GPC5: variants seen among roughly 807,000 people sequenced by gnomAD.
The protein encoded by GPC5 is glypican-5.
Under a neutral mutation model 53.9 loss-of-function variants are expected in GPC5, and 47 were observed. That is an observed-to-expected ratio of 0.87 (90% CI 0.69 to 1.11). The LOEUF (loss-of-function observed/expected upper bound fraction) is 1.11, where lower values mean the gene tolerates loss of function less well. Among genes scored for constraint, GPC5 ranks in the 50% most tolerant of loss-of-function variants. The pLI, the probability that GPC5 is intolerant of heterozygous loss-of-function variation, is 0.00. For missense variants in GPC5, 748 were observed against 713.1 expected, an observed-to-expected ratio of 1.05 and a Z score of -0.56; for synonymous variants, 286 against 263.3, an observed-to-expected ratio of 1.09 and a Z score of -0.84.
At chr13:91,472,881 A>G (rs979517512) in intron 2 of GPC5, among the ~76,000 whole-genome samples, 2 of 152,148 alleles carry the variant, frequency 1.3e-5, no homozygotes, top group Non-Finnish European at 1.5e-5. Flanking sequence ...TGGACCTGAG[A>G]TTCTGCTAGG....
intron 7 of GPC5, among the ~76,000 whole-genome samples, chr13:92,695,745 A>G (rs1221448844): frequency 6.6e-6 from 1 of 151,620 alleles, no homozygotes; most frequent in African/African-American, 2.4e-5. Flanking sequence ...GTACATGTGC[A>G]GAAAGTGCAG....
intron 3 of GPC5, among the ~76,000 whole-genome samples, chr13:91,719,070 A>G (rs1045405766): frequency 6.6e-6 from 1 of 152,076 alleles, no homozygotes; most frequent in African/African-American, 2.4e-5. Context: ...ACATTTATTT[A>G]TTTATTTACT....
At chr13:91,484,162 T>C (rs544503637) in intron 2 of GPC5, among the ~76,000 whole-genome samples, 10 of 152,348 alleles carry the variant, frequency 6.6e-5, no homozygotes, top group Admixed American at 2.0e-4. Context: ...CATTTGCTAC[T>C]TAAGTTAATT....
rs372149568 is a variant in GPC5, at chr13:92,278,636, A to G, written c.1561+133647A>G. 6.6e-5 allele frequency among the ~76,000 whole-genome samples: 10 copies of G among 152,010 alleles called. No individual in the cohort carries two copies. In the East Asian group the frequency reaches 1.2e-3, roughly 18 times the overall value. ...CCTGATCATGAAGATTTACCCTGTG[A>G]TTTCTTTCAATAGTTTTATACTTTT... On this transcript the variant is annotated intron_variant, in intron 7 of 7. Transcript: ENST00000377067.
rs370373203 is a variant in GPC5, at chr13:91,783,206, A to T, written c.1280+26786A>T. 2.0e-4 allele frequency among the ~76,000 whole-genome samples: 30 copies of T among 152,114 alleles called. No individual in the cohort carries two copies. The East Asian group carries it at 3.9e-3, about 20-fold the overall frequency. ...GAGGCAGAGGTTGCAGTGAGCTGAGATCGCTCCACTGCACTCCAGCCTCGG... is the reference window on the plus strand; with the variant it reads ...GAGGCAGAGGTTGCAGTGAGCTGAGTTCGCTCCACTGCACTCCAGCCTCGG... On this transcript the variant is annotated intron_variant, in intron 5 of 7. Coordinates refer to ENST00000377067, the MANE Select transcript of GPC5 (RefSeq NM_004466.6).
intron 7 of GPC5, among the ~76,000 whole-genome samples, chr13:92,282,677 C>G (rs1225228408): frequency 1.3e-5 from 2 of 152,144 alleles, no homozygotes; most frequent in East Asian, 3.9e-4. Context: ...AAATGCTTTA[C>G]AGACAAGCAA....
At chr13:91,981,689 C>A (rs2040361221) in intron 6 of GPC5, among the ~76,000 whole-genome samples, 1 of 152,160 alleles carries the variant, frequency 6.6e-6, no homozygotes, top group Non-Finnish European at 1.5e-5. Context: ...TCCTTATCAC[C>A]TAAACTAGTA....
intron 7 of GPC5, among the ~76,000 whole-genome samples, chr13:92,461,082 C>T (rs1878460209): frequency 6.6e-6 from 1 of 151,836 alleles, no homozygotes; most frequent in Non-Finnish European, 1.5e-5. Flanking sequence ...TCTGAAAATC[C>T]ATTAAGAGCA....
chr13:91,981,401 T>C (rs1024775350), intron 6 of GPC5, among the ~76,000 whole-genome samples: 1 of 151,966 alleles, frequency 6.6e-6, no homozygotes, highest in Non-Finnish European at 1.5e-5. Context: ...GCCATTCTCC[T>C]GCCTCAGCCT....
intron 7 of GPC5, among the ~76,000 whole-genome samples, chr13:92,272,624 A>G (rs372488714): frequency 2.0e-5 from 3 of 152,106 alleles, no homozygotes; most frequent in Admixed American, 1.3e-4. Context: ...CCCATTGTGT[A>G]ATGAAAAGTT....
At chr13:92,109,547 A>T (rs563243961) in intron 6 of GPC5, among the ~76,000 whole-genome samples, 4 of 152,268 alleles carry the variant, frequency 2.6e-5, no homozygotes, top group African/African-American at 9.6e-5. Context: ...AAAAATGACT[A>T]TGAAAATTTA....
At chr13:91,846,695 A>G (rs186192446) in intron 5 of GPC5, among the ~76,000 whole-genome samples, 85 of 152,200 alleles carry the variant, frequency 5.6e-4, no homozygotes, top group African/African-American at 2.0e-3. Context: ...AAGTATTGTC[A>G]ATGGTTATTT....
intron 2 of GPC5, among the ~76,000 whole-genome samples, chr13:91,639,359 T>C (rs1214342918): frequency 6.6e-6 from 1 of 152,220 alleles, no homozygotes; most frequent in Non-Finnish European, 1.5e-5. Context: ...GATTAATTTA[T>C]GTTACAGAAA....
At chr13:92,320,252 A>G (rs1041421323) in intron 7 of GPC5, among the ~76,000 whole-genome samples, 2 of 152,156 alleles carry the variant, frequency 1.3e-5, no homozygotes, top group African/African-American at 4.8e-5. Context: ...TGCATTGAAC[A>G]ATCTAGGAAA....
chr13:92,382,873 G>C (rs1279003793), intron 7 of GPC5, among the ~76,000 whole-genome samples: 3 of 151,804 alleles, frequency 2.0e-5, no homozygotes, highest in Non-Finnish European at 2.9e-5. Flanking sequence ...CGCGGTGGCG[G>C]GTGCCTGTAG....
At chr13:91,581,401 T>A (rs2032355139) in intron 2 of GPC5, among the ~76,000 whole-genome samples, 1 of 152,156 alleles carries the variant, frequency 6.6e-6, no homozygotes, top group Non-Finnish European at 1.5e-5. Context: ...TTGTTTTCAG[T>A]TTTAATCTGA....
chr13:91,895,194 ATTCC>A (rs2039428781), intron 5 of GPC5, among the ~76,000 whole-genome samples: 1 of 152,150 alleles, frequency 6.6e-6, no homozygotes, highest in Non-Finnish European at 1.5e-5. Context: ...AGAACTGCCA[ATTCC>A]TTCTGGAAGT....
At chr13:91,827,737 A>G (rs777868443) in intron 5 of GPC5, among the ~76,000 whole-genome samples, 21 of 152,060 alleles carry the variant, frequency 1.4e-4, no homozygotes, top group Admixed American at 2.0e-4. Flanking sequence ...TCCTATACTG[A>G]TTGAAGTTTA....
intron 2 of GPC5, among the ~76,000 whole-genome samples, chr13:91,692,457 A>G (rs2035776560): frequency 6.6e-6 from 1 of 152,190 alleles, no homozygotes; most frequent in Non-Finnish European, 1.5e-5. Flanking sequence ...GGAAAAGAAA[A>G]AGATTTTAAA....
Sources: allele counts gnomAD v4.1 joint callset (sites outside exome capture counted in the v4.1 genomes callset), GRCh38; gene constraint gnomAD v4.1.1; transcripts MANE v1.5; gene names NCBI Gene and HGNC (gene_info 2026-07-23, HGNC 2026-07-21).